Variants in LRRC4C observed in about 807,000 individuals in gnomAD.
LRRC4C encodes the protein leucine rich repeat containing 4C.
In LRRC4C, 5 loss-of-function variants were observed where a neutral mutation model predicts 33.6. The observed-to-expected ratio is 0.15, with a 90% CI of 0.08 to 0.31. LRRC4C has a LOEUF of 0.31. LRRC4C is among the 10% of genes least tolerant of loss of function. The pLI, the probability that LRRC4C is intolerant of heterozygous loss-of-function variation, is 1.00. For missense variants in LRRC4C, 560 were observed against 796.7 expected (o/e 0.70, Z 3.58); for synonymous variants, 329 against 302.0 (o/e 1.09, Z -0.93).
At chr11:40,340,146 C>G (rs1946801963) in intron 3 of LRRC4C, among the ~76,000 whole-genome samples, 1 of 152,054 alleles carries the variant, frequency 6.6e-6, no homozygotes, top group Admixed American at 6.6e-5. Flanking sequence ...CCCACACTGC[C>G]CAAGCACGTG....
At chr11:40,605,183 C>T (rs945567135) in intron 3 of LRRC4C, among the ~76,000 whole-genome samples, 6 of 151,940 alleles carry the variant, frequency 3.9e-5, no homozygotes, top group African/African-American at 1.2e-4. Context: ...GTAAGAGTAG[C>T]ATCAGCAAGG....
Position 40,165,254 on chromosome 11 carries a change from C to T in LRRC4C, c.-95-24401G>A, listed in dbSNP as rs1859491143. Among the ~76,000 whole-genome samples, 4 of 152,168 alleles carry T rather than the reference C, an allele frequency of 2.6e-5. No homozygotes were observed. In the South Asian group the frequency reaches 8.3e-4, roughly 32 times the overall value. ...TGTATATATATTCGCATGTCTGTAT[C>T]TATATGTATCCGTTTCTATGTCTCT... On this transcript the variant is annotated intron_variant, in intron 5 of 6. Coordinates refer to ENST00000528697, the MANE Select transcript of LRRC4C (RefSeq NM_001258419.2).
At chr11:41,052,606 A>T (rs994934449) in intron 1 of LRRC4C, among the ~76,000 whole-genome samples, 1 of 151,386 alleles carries the variant, frequency 6.6e-6, no homozygotes, top group African/African-American at 2.5e-5. Context: ...ATCTTAATTT[A>T]TTATAGAAAA....
chr11:40,599,862 G>A (rs1319490278), intron 3 of LRRC4C, among the ~76,000 whole-genome samples: 1 of 152,178 alleles, frequency 6.6e-6, no homozygotes, highest in Non-Finnish European at 1.5e-5. Context: ...TAAGAGGAAA[G>A]CTTTTGCCTA....
At chr11:41,349,984 AAGAC>A (rs67660518) in intron 1 of LRRC4C, among the ~76,000 whole-genome samples, 26,921 of 152,050 alleles carry the variant, frequency 0.18, 2,737 homozygotes, top group East Asian at 0.44. Flanking sequence ...GGCTTAATAA[AAGAC>A]AGCCAGATCC....
At chr11:40,651,969 T>A (rs1323403830) in intron 2 of LRRC4C, among the ~76,000 whole-genome samples, 2 of 152,252 alleles carry the variant, frequency 1.3e-5, no homozygotes, top group Admixed American at 1.3e-4. Flanking sequence ...TGTATCTGTA[T>A]GAGAGTTGTG....
chr11:40,884,899 A>C (rs1486014705), intron 2 of LRRC4C, among the ~76,000 whole-genome samples: 3 of 152,100 alleles, frequency 2.0e-5, no homozygotes, highest in African/African-American at 7.2e-5. Context: ...GAAATACTTC[A>C]TGTCCTCATT....
rs145357125 is a variant in LRRC4C at position 40,362,532 on chromosome 11, C to A, written c.-269-42811G>T. On this transcript the variant is annotated intron_variant, in intron 3 of 6. Transcript: ENST00000528697. ...GTCAGGAGTTCAAGACCAGTCTGGC[C>A]AACATGACAAAACCCTGTCTCTACT... 9.9e-4 allele frequency among the ~76,000 whole-genome samples: 151 copies of A among 152,170 alleles called. 5 individuals carry two copies. The East Asian group carries it at 0.027, about 27-fold the overall frequency.
intron 2 of LRRC4C, among the ~76,000 whole-genome samples, chr11:40,862,803 C>T (rs1328736254): frequency 6.6e-6 from 1 of 152,150 alleles, no homozygotes; most frequent in Non-Finnish European, 1.5e-5. Context: ...GGGAGAAAAG[C>T]CACAGAAAAC....
chr11:40,607,038 G>T (rs1960686595), intron 3 of LRRC4C, among the ~76,000 whole-genome samples: 1 of 152,090 alleles, frequency 6.6e-6, no homozygotes, highest in South Asian at 2.1e-4. Flanking sequence ...TTACAGGCAA[G>T]AAAGAAGTGG....
intron 5 of LRRC4C, among the ~76,000 whole-genome samples, chr11:40,203,340 A>T (rs772881737): frequency 9.2e-5 from 14 of 152,214 alleles, no homozygotes; most frequent in South Asian, 2.1e-4. Context: ...GCCTTTTAAG[A>T]GCAGGGTAAA....
intron 3 of LRRC4C, among the ~76,000 whole-genome samples, chr11:40,353,551 T>C (rs748776278): frequency 1.9e-4 from 29 of 152,066 alleles, no homozygotes; most frequent in Non-Finnish European, 3.5e-4. Context: ...ACCCCATCTC[T>C]AAAAACACAA....
chr11:40,779,509 T>C lies in LRRC4C; in HGVS notation c.-406-131231A>G, dbSNP rs556241315. Among the ~76,000 whole-genome samples the C allele has an allele frequency of 2.6e-5, 4 of 152,352 alleles. No homozygotes were observed. In the South Asian group the frequency reaches 8.3e-4, roughly 32 times the overall value. ...ATTTATTAATATATGTGCTCATTTC[T>C]TATATTACCCAGTCCTCAAGATCTT... On this transcript the variant is annotated intron_variant, in intron 2 of 6. Coordinates refer to ENST00000528697, the MANE Select transcript of LRRC4C (RefSeq NM_001258419.2).
chr11:40,547,951 C>T (rs1187046296), intron 3 of LRRC4C, among the ~76,000 whole-genome samples: 1 of 152,038 alleles, frequency 6.6e-6, no homozygotes, highest in African/African-American at 2.4e-5. Flanking sequence ...ACAAAATGGA[C>T]CAACGCTCTA....
At chr11:40,332,186 C>T (rs1383627817) in intron 3 of LRRC4C, among the ~76,000 whole-genome samples, 1 of 152,292 alleles carries the variant, frequency 6.6e-6, no homozygotes, top group South Asian at 2.1e-4. Context: ...TCTTACACTT[C>T]CTGGAAGTCA....
At chr11:40,501,052 C>T (rs1033517290) in intron 3 of LRRC4C, among the ~76,000 whole-genome samples, 3 of 152,182 alleles carry the variant, frequency 2.0e-5, no homozygotes, top group African/African-American at 7.2e-5. Context: ...CCATGCAAGT[C>T]TGAAATCCAC....
At chr11:40,368,352 C>T (rs1485836911) in intron 3 of LRRC4C, among the ~76,000 whole-genome samples, 2 of 152,088 alleles carry the variant, frequency 1.3e-5, no homozygotes, top group Non-Finnish European at 2.9e-5. Context: ...AATGACTCTT[C>T]AGTGTTTGGA....
At chr11:40,158,261 G>T (rs1369910782) in intron 5 of LRRC4C, among the ~76,000 whole-genome samples, 1 of 152,070 alleles carries the variant, frequency 6.6e-6, no homozygotes, top group African/African-American at 2.4e-5. Context: ...GGGGACTTGG[G>T]GGGAAGAGTG....
At chr11:40,631,537 A>C (rs1495313) in intron 3 of LRRC4C, among the ~76,000 whole-genome samples, 146,290 of 152,258 alleles carry the variant, frequency 0.96, 70,515 homozygotes, top group Middle Eastern at 1. Context: ...GTTGCTCTTT[A>C]CCCCAATACT....
Sources: allele counts gnomAD v4.1 joint callset (sites outside exome capture counted in the v4.1 genomes callset), GRCh38; gene constraint gnomAD v4.1.1; transcripts MANE v1.5; gene names NCBI Gene and HGNC (gene_info 2026-07-23, HGNC 2026-07-21).